Variants in RHAG observed in about 807,000 individuals in gnomAD.
RHAG encodes the protein Rh associated glycoprotein, also known as ammonium transporter Rh type A.
RHAG carries 25 observed loss-of-function variants against 42.4 expected under a neutral mutation model. The ratio of observed to expected loss-of-function variants is 0.59; its 90% CI spans 0.43 to 0.82. The LOEUF is 0.82. RHAG is among the 40% of genes least tolerant of loss of function. RHAG has a pLI of 0.00. For missense variants in RHAG, 483 were observed against 504.6 expected, an observed-to-expected ratio of 0.96 and a Z score of 0.41; for synonymous variants, 182 against 177.7, an observed-to-expected ratio of 1.02 and a Z score of -0.19.
At position 49,615,094 on chromosome 6, in the gene RHAG, C is replaced by T. The variant is rs1387229658; in HGVS notation, c.641-241G>A. On this transcript the variant is annotated intron_variant, in intron 4 of 9. Coordinates refer to ENST00000371175, the MANE Select transcript of RHAG (RefSeq NM_000324.3). The stretch of plus-strand genomic sequence containing the variant: ...TCCTGAGTAGCTGGGATTACAGGTG[C>T]GGGCTACCATGTCCACCTAACTTTT... 1.1e-5 allele frequency: 5 copies of T among 466,262 alleles called. No homozygotes were observed. The East Asian group carries it at 1.6e-4, about 15-fold the overall frequency. The allele number at this position is 466,262 out of a possible 1,614,324, so 28.9% of individuals were successfully genotyped here.
chr6:49,612,914 G>A (rs1039066149), intron 5 of RHAG, among the ~76,000 whole-genome samples: 6 of 152,102 alleles, frequency 3.9e-5, no homozygotes, highest in Admixed American at 1.3e-4. Flanking sequence ...ACCAAAAGAT[G>A]ACTATGGCCA....
At chr6:49,630,965 A>G (rs141651430) in intron 1 of RHAG, among the ~76,000 whole-genome samples, 105 of 152,168 alleles carry the variant, frequency 6.9e-4, no homozygotes, top group African/African-American at 2.4e-3. Context: ...CATGCTTTTC[A>G]TTGCTGGTAT....
intron 1 of RHAG, among the ~76,000 whole-genome samples, chr6:49,625,380 A>G (rs1762829515): frequency 6.6e-6 from 1 of 152,136 alleles, no homozygotes; most frequent in Non-Finnish European, 1.5e-5. Context: ...TTAAACCTCA[A>G]CTTTACCATA....
chr6:49,619,090 A>G, intron 2 of RHAG, 89 bp downstream of exon 2: 1 of 1,428,128 alleles, frequency 7.0e-7, no homozygotes, highest in South Asian at 1.2e-5. Flanking sequence ...CCAGTCCCCC[A>G]CCTCTTAATA....
Position 49,636,705 on chromosome 6 carries a change from G to T in RHAG, c.108C>A (p.Leu36=), listed in dbSNP as rs1318462703. The change falls in exon 1 of 10, where the codon CTC becomes CTA. Residue 36 remains leucine (L), a synonymous_variant. Transcript: ENST00000371175. ...YETDQTVLEQ[L]NITKPTDMGI... ...CCATGTCTGTTGGCTTGGTGATGTT[G>T]AGCTGCTCGAGAACAGTCTGGTCCG... 3 of 1,613,952 alleles carry T rather than the reference G, an allele frequency of 1.9e-6. No individual in the cohort carries two copies. The highest frequency in any genetic ancestry group is 1.7e-6 in the Non-Finnish European group (2 of 1,179,874).
At chr6:49,610,590 G>A (rs902475268) in intron 7 of RHAG, among the ~76,000 whole-genome samples, 3 of 152,172 alleles carry the variant, frequency 2.0e-5, no homozygotes, top group Admixed American at 6.5e-5. Context: ...CCATATACCA[G>A]TGTTGTTGAT....
intron 1 of RHAG, chr6:49,631,982 G>A (rs140627668): frequency 5.3e-4 from 81 of 152,282 alleles, no homozygotes; most frequent in African/African-American, 1.9e-3. Context: ...GTGATGTGTA[G>A]ATCCTTTGCC....
In RHAG at chr6:49,608,623, T is replaced by C. The variant is rs1023875992; in HGVS notation, c.1068-1403A>G. Among the ~76,000 whole-genome samples the C allele has an allele frequency of 6.4e-4, 97 of 152,280 alleles. 1 individual carries two copies. Among genetic ancestry groups the C allele is most frequent in the Non-Finnish European group, 1.8e-4 (12 of 68,008 alleles). On this transcript the variant is annotated intron_variant, in intron 7 of 9. Coordinates refer to ENST00000371175, the MANE Select transcript of RHAG (RefSeq NM_000324.3). ...AACTCCTGACCTCAGATGATCCACC[T>C]GCCTCGGCCTCCCAAAGTGCTAGGA...
intron 1 of RHAG, among the ~76,000 whole-genome samples, chr6:49,628,179 C>G (rs1581950176): frequency 6.8e-6 from 1 of 146,420 alleles, no homozygotes; most frequent in African/African-American, 2.5e-5. Flanking sequence ...GAGAGAGAGA[C>G]AGGGTCTTGC....
At chr6:49,620,802 A>T (rs1762744287) in intron 1 of RHAG, among the ~76,000 whole-genome samples, 1 of 152,160 alleles carries the variant, frequency 6.6e-6, no homozygotes, top group Non-Finnish European at 1.5e-5. Context: ...AATTGCTGGG[A>T]TTACAGGTGT....
rs138157659 is a variant in RHAG at position 49,616,907 on chromosome 6, G to T, written c.493-1136C>A. ...CCAGGTGGCTTCAGGAAGATGGGAG[G>T]TGGCTATTAATCATGCTTGGACTTT... On this transcript the variant is annotated intron_variant, in intron 3 of 9. Coordinates refer to ENST00000371175, the MANE Select transcript of RHAG (RefSeq NM_000324.3). Among the ~76,000 whole-genome samples, 166 of 152,260 alleles carry T rather than the reference G, an allele frequency of 1.1e-3. 1 individual carries two copies. The highest frequency in any genetic ancestry group is 3.8e-3 in the African/African-American group (159 of 41,544).
At chr6:49,635,287 A>G (rs187593119) in intron 1 of RHAG, among the ~76,000 whole-genome samples, 196 of 152,170 alleles carry the variant, frequency 1.3e-3, no homozygotes, top group Non-Finnish European at 2.4e-3. Flanking sequence ...AAGTCTTAAG[A>G]TAACTTTATT....
intron 1 of RHAG, among the ~76,000 whole-genome samples, chr6:49,625,071 G>T (rs1337328690): frequency 2.6e-5 from 4 of 152,170 alleles, no homozygotes; most frequent in Non-Finnish European, 2.9e-5. Context: ...AGAATACAGG[G>T]ATATAAGATC....
rs754927504 is a variant in RHAG at position 49,619,379 on chromosome 6, G to GA, written c.158-18dup. 6.8e-6 allele frequency: 11 copies of GA among 1,608,758 alleles called. No individual in the cohort carries two copies. The highest frequency in any genetic ancestry group is 1.3e-5 in the African/African-American group (1 of 74,818). ...CTTGGAACACTGGAAAAGAGGAAAG[G>GA]AAAAAATATCTGCATTATGAGAGCA... On this transcript the variant is annotated splice_polypyrimidine_tract_variant and intron_variant, in intron 1 of 9. Transcript: ENST00000371175.
rs540465992 is a variant in RHAG at position 49,614,181 on chromosome 6, AT to A, written c.807+505del. On this transcript the variant is annotated intron_variant, in intron 5 of 9. Transcript: ENST00000371175. ...CATTTTTTAATCTTCCAGGACAAAA[AT>A]TTTTTTTTTCTTTTTTTTTTTCTTT... Among the ~76,000 whole-genome samples the A allele has an allele frequency of 8.6e-3, 1,292 of 149,612 alleles. 17 individuals carry two copies. Among genetic ancestry groups the A allele is most frequent in the African/African-American group, 0.029 (1,168 of 40,648 alleles).
At chr6:49,620,371 A>G (rs950082993) in intron 1 of RHAG, among the ~76,000 whole-genome samples, 6 of 152,188 alleles carry the variant, frequency 3.9e-5, no homozygotes, top group African/African-American at 1.2e-4. Context: ...CAAGAAACTG[A>G]CAGTTAAGTT....
rs1418299186 is a variant in RHAG at position 49,607,366 on chromosome 6, CT to C, written c.1068-147del. On this transcript the variant is annotated intron_variant, in intron 7 of 9. Coordinates refer to ENST00000371175, the MANE Select transcript of RHAG (RefSeq NM_000324.3). ...AAATTAAGCATTTGTTACAATTTTT[CT>C]TTCATATTCTTATTTTCTTTGAAAC... 12 of 713,302 alleles carry C rather than the reference CT, an allele frequency of 1.7e-5. No homozygotes were observed. In the East Asian group the frequency reaches 3.2e-4, roughly 19 times the overall value. The allele number at this position is 713,302 out of a possible 1,614,324, so 44.2% of individuals were successfully genotyped here. A position where few individuals can be genotyped will look rare whatever the true frequency, so the allele number is the denominator to read the frequency against.
At chr6:49,634,591 A>T (rs1032548900) in intron 1 of RHAG, among the ~76,000 whole-genome samples, 15 of 151,306 alleles carry the variant, frequency 9.9e-5, no homozygotes, top group Non-Finnish European at 1.9e-4. Context: ...ATGAATAGAT[A>T]AAAAAAAATG....
At chr6:49,606,019 G>A (rs571205035) in intron 9 of RHAG, among the ~76,000 whole-genome samples, 189 bp from the exon 10 acceptor site, 4 of 152,070 alleles carry the variant, frequency 2.6e-5, no homozygotes, top group African/African-American at 9.7e-5. Context: ...CTACATTCCC[G>A]CTTTTCCAAA....
Sources: allele counts gnomAD v4.1 joint callset (sites outside exome capture counted in the v4.1 genomes callset), GRCh38; gene constraint gnomAD v4.1.1; transcripts MANE v1.5; gene names NCBI Gene and HGNC (gene_info 2026-07-23, HGNC 2026-07-21).